Variants in NAALADL2 observed in about 807,000 individuals in gnomAD.
NAALADL2 encodes inactive N-acetylated-alpha-linked acidic dipeptidase-like protein 2.
A neutral mutation model predicts 87.2 loss-of-function variants in NAALADL2; 76 were observed. The ratio of observed to expected loss-of-function variants is 0.87; its 90% CI spans 0.72 to 1.05. NAALADL2 has a LOEUF of 1.05. Among genes scored for constraint, NAALADL2 ranks in the 50% least tolerant of loss-of-function variants. The pLI is 0.00. For synonymous variants in NAALADL2, 354 were observed against 331.0 expected, an observed-to-expected ratio of 1.07 and a Z score of -0.75; for missense variants, 1,089 against 945.8, an observed-to-expected ratio of 1.15 and a Z score of -1.99.
chr3:175,258,409 A>G (rs955902384), intron 4 of NAALADL2, among the ~76,000 whole-genome samples: 1 of 151,584 alleles, frequency 6.6e-6, no homozygotes, highest in Non-Finnish European at 1.5e-5. Flanking sequence ...ATGTGTATGT[A>G]TACTTGCCTG....
intron 1 of NAALADL2, among the ~76,000 whole-genome samples, chr3:174,941,133 G>A (rs1738517849): frequency 1.3e-5 from 2 of 151,988 alleles, no homozygotes; most frequent in South Asian, 4.2e-4. Context: ...TTTGATGTGG[G>A]CATTTAATGC....
At chr3:174,486,516 C>T (rs1434333153) in intron 1 of NAALADL2, among the ~76,000 whole-genome samples, 2 of 152,012 alleles carry the variant, frequency 1.3e-5, no homozygotes, top group Non-Finnish European at 2.9e-5. Context: ...GAAGTTTCTG[C>T]GTGTGAATTT....
chr3:175,269,115 T>C (rs1336736496), intron 4 of NAALADL2, among the ~76,000 whole-genome samples: 1 of 141,416 alleles, frequency 7.1e-6, no homozygotes, highest in Non-Finnish European at 1.6e-5. Flanking sequence ...ATATTTGTAT[T>C]TTCAGTAGAG....
Position 175,038,791 on chromosome 3 carries a change from T to G in NAALADL2, c.44-57999T>G, listed in dbSNP as rs1020780055. On this transcript the variant is annotated intron_variant, in intron 1 of 13. Coordinates refer to ENST00000454872, the MANE Select transcript of NAALADL2 (RefSeq NM_207015.3). Reference sequence around the variant, plus strand: ...GAGGTGGAAGTGGAATTTTCTTTTTTTTTTTAAGCTTTGCCTATGTAGTGA... The same window carrying G: ...GAGGTGGAAGTGGAATTTTCTTTTTGTTTTTAAGCTTTGCCTATGTAGTGA... Among the ~76,000 whole-genome samples the G allele has an allele frequency of 3.9e-5, 6 of 152,270 alleles. No individual in the cohort carries two copies. In the South Asian group the frequency reaches 1.0e-3, roughly 26 times the overall value.
intron 11 of NAALADL2, among the ~76,000 whole-genome samples, chr3:175,697,400 G>GAC (rs57471272): frequency 0.16 from 23,267 of 145,182 alleles, 2,008 homozygotes; most frequent in Non-Finnish European, 0.21. Context: ...GCTGCACACA[G>GAC]ACACACACAC....
Position 175,143,153 on chromosome 3 carries a change from C to T in NAALADL2, c.545+45862C>T, listed in dbSNP as rs372116058. Among the ~76,000 whole-genome samples, 57 of 151,968 alleles carry T rather than the reference C, an allele frequency of 3.8e-4. 2 individuals carry two copies. In the South Asian group the frequency reaches 6.6e-3, roughly 18 times the overall value. ...TCGTAATACTTGCCATGAAGGTTTA[C>T]GACAAGAACTGAATAATTATGCACA... On this transcript the variant is annotated intron_variant, in intron 2 of 13. Coordinates refer to ENST00000454872, the MANE Select transcript of NAALADL2 (RefSeq NM_207015.3).
At chr3:175,010,913 T>A (rs1418599579) in intron 1 of NAALADL2, among the ~76,000 whole-genome samples, 1 of 152,100 alleles carries the variant, frequency 6.6e-6, no homozygotes, top group Non-Finnish European at 1.5e-5. Context: ...ATCTACATGA[T>A]CAACACTTTC....
At chr3:175,180,063 C>G (rs2108979129) in intron 2 of NAALADL2, among the ~76,000 whole-genome samples, 1 of 151,850 alleles carries the variant, frequency 6.6e-6, no homozygotes, top group Middle Eastern at 3.4e-3. Flanking sequence ...TTTATAGGTG[C>G]TGATGGGGAA....
intron 1 of NAALADL2, among the ~76,000 whole-genome samples, chr3:175,092,510 G>T (rs1457419908): frequency 1.3e-5 from 2 of 151,230 alleles, no homozygotes; most frequent in African/African-American, 4.8e-5. Flanking sequence ...TGTTAGGCTA[G>T]GTCTGCAGCA....
At chr3:174,816,870 G>A (rs1042457344) in intron 3 of NAALADL2, among the ~76,000 whole-genome samples, 1 of 152,124 alleles carries the variant, frequency 6.6e-6, no homozygotes, top group Admixed American at 6.6e-5. Context: ...GATTAGGAGT[G>A]CATTAGTGTG....
At chr3:174,525,633 T>C (rs561281260) in intron 1 of NAALADL2, among the ~76,000 whole-genome samples, 1 of 152,090 alleles carries the variant, frequency 6.6e-6, no homozygotes, top group South Asian at 2.1e-4. Context: ...TCCATAGCAA[T>C]GATTAATCAT....
chr3:175,448,183 A>G (rs1484995921), intron 6 of NAALADL2, among the ~76,000 whole-genome samples: 1 of 152,238 alleles, frequency 6.6e-6, no homozygotes, highest in Admixed American at 6.5e-5. Context: ...TCTGTTAGGG[A>G]CATATGCTTT....
intron 3 of NAALADL2, among the ~76,000 whole-genome samples, chr3:175,237,266 T>C (rs1387468885): frequency 1.3e-5 from 2 of 152,150 alleles, no homozygotes; most frequent in South Asian, 2.1e-4. Context: ...GATTAGTTTA[T>C]AGGGACCCTA....
intron 2 of NAALADL2, among the ~76,000 whole-genome samples, chr3:175,187,166 A>T (rs928250572): frequency 6.6e-6 from 1 of 152,108 alleles, no homozygotes; most frequent in African/African-American, 2.4e-5. Flanking sequence ...TCACTTATTC[A>T]TTAGTTCACA....
chr3:175,377,914 G>A (rs1767344618), intron 5 of NAALADL2, among the ~76,000 whole-genome samples: 1 of 152,070 alleles, frequency 6.6e-6, no homozygotes, highest in Non-Finnish European at 1.5e-5. Context: ...TCTTCCTACT[G>A]AGAGCCACTT....
chr3:174,475,063 C>T lies in NAALADL2; in HGVS notation c.-184+34031C>T, dbSNP rs144620070. ...TTGATAAATGGTGTCTGGAATTTTTCTTAGGCAGAAGAAAATCATTTAGAT... is the reference window on the plus strand; with the variant it reads ...TTGATAAATGGTGTCTGGAATTTTTTTTAGGCAGAAGAAAATCATTTAGAT... On this transcript the variant is annotated intron_variant, in intron 1 of 3. Coordinates refer to the NAALADL2 transcript ENST00000434257. Among the ~76,000 whole-genome samples the T allele has an allele frequency of 3.8e-4, 58 of 151,676 alleles. 1 individual carries two copies. The East Asian group carries it at 0.01, about 26-fold the overall frequency.
intron 1 of NAALADL2, among the ~76,000 whole-genome samples, chr3:175,004,109 C>T (rs12633104): frequency 6.6e-6 from 1 of 152,068 alleles, no homozygotes; most frequent in African/African-American, 2.4e-5. Context: ...GGAATGGTAG[C>T]TAATGCCTGT....
intron 3 of NAALADL2, among the ~76,000 whole-genome samples, chr3:174,843,741 T>C (rs1440187506): frequency 6.6e-6 from 1 of 152,160 alleles, no homozygotes; most frequent in Non-Finnish European, 1.5e-5. Context: ...TCAGGTGTTA[T>C]CTTGTTGAGG....
intron 1 of NAALADL2, among the ~76,000 whole-genome samples, chr3:174,496,694 A>G (rs1718560272): frequency 6.6e-6 from 1 of 151,990 alleles, no homozygotes; most frequent in Non-Finnish European, 1.5e-5. Flanking sequence ...GAGATGACCA[A>G]CAGCTTATTA....
Sources: allele counts gnomAD v4.1 joint callset (sites outside exome capture counted in the v4.1 genomes callset), GRCh38; gene constraint gnomAD v4.1.1; transcripts MANE v1.5; gene names NCBI Gene and HGNC (gene_info 2026-07-23, HGNC 2026-07-21).